CNTN6: variants seen among roughly 807,000 people sequenced by gnomAD.
CNTN6 encodes the protein contactin 6, also known as contactin-6.
CNTN6 carries 137 observed loss-of-function variants against 122.8 expected under a neutral mutation model. The ratio of observed to expected loss-of-function variants is 1.12; its 90% CI spans 0.97 to 1.29. The LOEUF (loss-of-function observed/expected upper bound fraction) is 1.29. CNTN6 is among the 50% of genes most tolerant of loss of function. CNTN6 has a pLI of 0.00. For synonymous variants in CNTN6, 570 were observed against 426.0 expected (o/e 1.34, Z -4.16); for missense variants, 1,634 against 1,223.4 (o/e 1.34, Z -5.01).
chr3:1,343,236 T>C (rs1704154581), intron 11 of CNTN6, among the ~76,000 whole-genome samples: 1 of 152,188 alleles, frequency 6.6e-6, no homozygotes, highest in South Asian at 2.1e-4. Context: ...TCAGTAAGGC[T>C]GCTGGTCAGT....
intron 8 of CNTN6, among the ~76,000 whole-genome samples, chr3:1,322,743 G>C (rs1316135142): frequency 6.6e-6 from 1 of 151,318 alleles, no homozygotes; most frequent in Non-Finnish European, 1.5e-5. Flanking sequence ...CATATTGTGT[G>C]TCTGTAATAT....
At chr3:1,385,538 A>T in intron 19 of CNTN6, 73 bp from the exon 20 acceptor site, 1 of 1,215,860 alleles carries the variant, frequency 8.2e-7, no homozygotes, top group Non-Finnish European at 1.2e-6. Context: ...GTTGTGGTTG[A>T]TAGTTGTTGG....
chr3:1,326,499 A>G (rs773083346), intron 9 of CNTN6, among the ~76,000 whole-genome samples: 6 of 151,790 alleles, frequency 4.0e-5, no homozygotes, highest in Non-Finnish European at 7.4e-5. Flanking sequence ...ACTACCCAGT[A>G]TTTTGCTTTT....
intron 20 of CNTN6, among the ~76,000 whole-genome samples, chr3:1,397,662 G>A (rs1052823762): frequency 2.6e-5 from 4 of 152,110 alleles, no homozygotes; most frequent in Non-Finnish European, 5.9e-5. Context: ...TACTTATGTG[G>A]AAAGAAGTAT....
chr3:1,187,316 C>T (rs535983057), intron 2 of CNTN6, among the ~76,000 whole-genome samples: 20 of 152,052 alleles, frequency 1.3e-4, no homozygotes, highest in East Asian at 7.7e-4. Flanking sequence ...TCCTGCCTTA[C>T]GTTCCTTTGA....
At chr3:1,227,431 A>C (rs76803292) in intron 3 of CNTN6, among the ~76,000 whole-genome samples, 17 of 152,284 alleles carry the variant, frequency 1.1e-4, no homozygotes, top group East Asian at 9.7e-4. Context: ...CTATCTTTAA[A>C]TCATTTTGAC....
chr3:1,273,370 C>T (rs1175688852), intron 4 of CNTN6, among the ~76,000 whole-genome samples: 1 of 152,220 alleles, frequency 6.6e-6, no homozygotes, highest in Non-Finnish European at 1.5e-5. Flanking sequence ...GTGGTTCTCT[C>T]TGGCCTCTCC....
chr3:1,117,186 C>T (rs1241369657), intron 1 of CNTN6, among the ~76,000 whole-genome samples: 1 of 152,144 alleles, frequency 6.6e-6, no homozygotes, highest in Non-Finnish European at 1.5e-5. Context: ...TTCTTAAACA[C>T]ACGTGTGCAT....
rs567084689 is a variant in CNTN6, at chr3:1,132,969, A to G, written c.-82-14958A>G. Among the ~76,000 whole-genome samples the G allele has an allele frequency of 2.0e-5, 3 of 152,280 alleles. No homozygotes were observed. In the East Asian group the frequency reaches 5.8e-4, roughly 29 times the overall value. ...AGGCTTTTTCTATAATATACCTGAA[A>G]TACATTTAAGGCACTCATAAGTAGC... On this transcript the variant is annotated intron_variant, in intron 1 of 22. Coordinates refer to ENST00000446702, the MANE Select transcript of CNTN6 (RefSeq NM_001289080.2).
At chr3:1,129,454 G>C (rs2092276293) in intron 1 of CNTN6, among the ~76,000 whole-genome samples, 1 of 152,004 alleles carries the variant, frequency 6.6e-6, no homozygotes, top group African/African-American at 2.4e-5. Flanking sequence ...GCACAGGCTG[G>C]GGAAAGGTTT....
At chr3:1,303,735 T>C (rs999711431) in intron 7 of CNTN6, among the ~76,000 whole-genome samples, 1 of 152,302 alleles carries the variant, frequency 6.6e-6, no homozygotes, top group Middle Eastern at 3.4e-3. Flanking sequence ...GATTGAATAG[T>C]AGACACCATA....
intron 20 of CNTN6, among the ~76,000 whole-genome samples, chr3:1,387,972 G>A (rs373808745): frequency 5.9e-5 from 9 of 152,084 alleles, no homozygotes; most frequent in East Asian, 5.8e-4. Flanking sequence ...CAAGGCGGCA[G>A]CGAGGCTGGG....
intron 2 of CNTN6, among the ~76,000 whole-genome samples, chr3:1,167,825 T>C (rs2093285613): frequency 6.6e-6 from 1 of 152,198 alleles, no homozygotes; most frequent in Non-Finnish European, 1.5e-5. Flanking sequence ...CCAACATATA[T>C]TGAGCACTCA....
At chr3:1,236,047 G>C (rs995038110) in intron 4 of CNTN6, among the ~76,000 whole-genome samples, 8 of 152,036 alleles carry the variant, frequency 5.3e-5, no homozygotes, top group Non-Finnish European at 8.8e-5. Context: ...ATCCCTCACA[G>C]CAGCTGCAGC....
chr3:1,097,870 T>C (rs2090615221), intron 1 of CNTN6, among the ~76,000 whole-genome samples: 1 of 152,130 alleles, frequency 6.6e-6, no homozygotes, highest in South Asian at 2.1e-4. Context: ...TATAAAACAA[T>C]GAAAAGACTA....
intron 2 of CNTN6, among the ~76,000 whole-genome samples, chr3:1,203,891 C>T (rs1386975050): frequency 1.3e-5 from 2 of 152,146 alleles, no homozygotes; most frequent in African/African-American, 4.8e-5. Flanking sequence ...TGTTTCGATA[C>T]ACAAATACTC....
At chr3:1,238,953 G>C (rs1044910661) in intron 4 of CNTN6, among the ~76,000 whole-genome samples, 3 of 152,144 alleles carry the variant, frequency 2.0e-5, no homozygotes, top group African/African-American at 7.2e-5. Context: ...AATGAAGCGG[G>C]AGATATTACA....
intron 3 of CNTN6, among the ~76,000 whole-genome samples, chr3:1,227,506 A>C (rs889412940): frequency 6.6e-6 from 1 of 152,124 alleles, no homozygotes; most frequent in Non-Finnish European, 1.5e-5. Flanking sequence ...AAAGTCACTA[A>C]AGGAATAGGT....
At chr3:1,343,437 T>C (rs1351399733) in intron 11 of CNTN6, among the ~76,000 whole-genome samples, 9 of 152,124 alleles carry the variant, frequency 5.9e-5, no homozygotes, top group African/African-American at 1.7e-4. Flanking sequence ...ATAACCACAT[T>C]GTTTATAAGT....
Sources: allele counts gnomAD v4.1 joint callset (sites outside exome capture counted in the v4.1 genomes callset), GRCh38; gene constraint gnomAD v4.1.1; transcripts MANE v1.5; gene names NCBI Gene and HGNC (gene_info 2026-07-23, HGNC 2026-07-21).